The following POLR2M variants were observed in gnomAD, a reference collection of about 807,000 sequenced individuals.
POLR2M encodes RNA polymerase II subunit M.
A neutral mutation model predicts 34.6 loss-of-function variants in POLR2M; 30 were observed. The ratio of observed to expected loss-of-function variants is 0.87; its 90% CI spans 0.65 to 1.18. The LOEUF (loss-of-function observed/expected upper bound fraction) is 1.18. POLR2M is among the 50% of genes most tolerant of loss of function. POLR2M has a pLI of 0.00. For synonymous variants in POLR2M, 150 were observed against 166.7 expected, an observed-to-expected ratio of 0.90 and a Z score of 0.77; for missense variants, 432 against 448.7, an observed-to-expected ratio of 0.96 and a Z score of 0.34.
Position 57,717,402 on chromosome 15 carries a change from C to T in POLR2M, c.*2723C>T, listed in dbSNP as rs1162805404. ...AGCACTCCAAAATCTCTGTGTGTCC[C>T]CTCTTGACACTCACTGTTTCCCCCA... On this transcript the variant is annotated 3_prime_UTR_variant, in exon 4 of 4. Coordinates refer to ENST00000299638, the MANE Select transcript of POLR2M (RefSeq NM_015532.5). 1.3e-5 allele frequency: 2 copies of T among 152,134 alleles called. No homozygotes were observed. The highest frequency in any genetic ancestry group is 2.4e-5 in the African/African-American group (1 of 41,414). The allele number at this position is 152,134 out of a possible 1,614,324, so 9.4% of individuals were successfully genotyped here.
rs1218351205 is a variant in POLR2M at position 57,713,824 on chromosome 15, T to C, written c.964-712T>C. On this transcript the variant is annotated intron_variant, in intron 3 of 3. Transcript: ENST00000299638. ...ATCTAGACAGCATTAGTCCTTCTTT[T>C]TTTTTTTTTTTTTTTTTTTTTTTTT... Among the ~76,000 whole-genome samples, 13 of 7,704 alleles carry C rather than the reference T, an allele frequency of 1.7e-3. 1 individual carries two copies. The highest frequency in any genetic ancestry group is 3.5e-3 in the African/African-American group (13 of 3,686). 5.1% of individuals were successfully genotyped at this position (7,704 alleles called of 152,430 possible). A position where few individuals can be genotyped will look rare whatever the true frequency, so the allele number is the denominator to read the frequency against.
chr15:57,708,351 C>T (rs2040575298), intron 1 of POLR2M, among the ~76,000 whole-genome samples: 1 of 152,154 alleles, frequency 6.6e-6, no homozygotes, highest in Non-Finnish European at 1.5e-5. Context: ...TAGTTTTGAC[C>T]TAATAGGCCC....
chr15:57,717,440 C>G lies in POLR2M; in HGVS notation c.*2761C>G, dbSNP rs1427204847. ...ACTGTTTCCCCCAGAGCTAACTATC[C>G]TGACGTATGGTAATTCTCCCTCTGT... On this transcript the variant is annotated 3_prime_UTR_variant, in exon 4 of 4. Transcript: ENST00000299638. The G allele has an allele frequency of 1.3e-5, 2 of 152,196 alleles. No homozygotes were observed. The highest frequency in any genetic ancestry group is 4.8e-5 in the African/African-American group (2 of 41,440). 9.4% of individuals were successfully genotyped at this position (152,196 alleles called of 1,614,324 possible).
At chr15:57,713,619 C>A (rs1266160889) in intron 3 of POLR2M, among the ~76,000 whole-genome samples, 1 of 152,084 alleles carries the variant, frequency 6.6e-6, no homozygotes, top group Non-Finnish European at 1.5e-5. Flanking sequence ...AGTACATTGC[C>A]AGTGTCTGAA....
Position 57,712,127 on chromosome 15 carries a change from C to T in POLR2M, c.902C>T (p.Thr301Met), listed in dbSNP as rs372198478. The change falls in exon 3 of 4, where the codon ACG (threonine) becomes ATG (methionine). Residue 301 changes from threonine (T) to methionine (M), a missense_variant. Coordinates refer to ENST00000299638, the MANE Select transcript of POLR2M (RefSeq NM_015532.5). ...CTTCTACCACTTCACCATATGCCCA[C>T]GCAGCTGCTCTCCATAGAAGAATCC... ...ARLLPLHHMP[T>M]QLLSIEESLA... 89 of 1,614,064 alleles carry T rather than the reference C, an allele frequency of 5.5e-5. No individual in the cohort carries two copies. Among genetic ancestry groups the T allele is most frequent in the Middle Eastern group, 1.6e-4 (1 of 6,072 alleles).
At chr15:57,708,142 G>A (rs904963239) in intron 1 of POLR2M, among the ~76,000 whole-genome samples, 6 of 152,150 alleles carry the variant, frequency 3.9e-5, no homozygotes, top group Non-Finnish European at 7.4e-5. Flanking sequence ...ATCCCAAAGA[G>A]CTATTTTATG....
At chr15:57,709,624 C>T (rs760731827) in intron 2 of POLR2M, among the ~76,000 whole-genome samples, 6 of 152,092 alleles carry the variant, frequency 3.9e-5, no homozygotes, top group Non-Finnish European at 8.8e-5. Flanking sequence ...CATGTTGTGG[C>T]AACACTGAGA....
chr15:57,708,128 T>G (rs1409297890), intron 1 of POLR2M, among the ~76,000 whole-genome samples: 2 of 152,216 alleles, frequency 1.3e-5, no homozygotes, highest in African/African-American at 4.8e-5. Flanking sequence ...TAAGAATTAT[T>G]GACATCCCAA....
Position 57,712,157 on chromosome 15 carries a change from C to A in POLR2M, c.932C>A (p.Ala311Glu), listed in dbSNP as rs2040751252. ...CTGCTCTCCATAGAAGAATCCTTGG[C>A]ACTTCAGAAACAGCAGAAACAGAAT... ...TQLLSIEESL[A>E]LQKQQKQNYE... Residue 311 changes from alanine to glutamate, a missense_variant, in exon 3 of 4, where the codon GCA (alanine) becomes GAA (glutamate). Transcript: ENST00000299638. 1.9e-6 allele frequency: 3 copies of A among 1,614,054 alleles called. No individual in the cohort carries two copies. Among genetic ancestry groups the A allele is most frequent in the Non-Finnish European group, 2.5e-6 (3 of 1,180,044 alleles).
At chr15:57,707,139 C>T (rs1419593548) in intron 1 of POLR2M, 184 bp downstream of exon 1, 8 of 1,533,824 alleles carry the variant, frequency 5.2e-6, no homozygotes, top group African/African-American at 1.4e-5. Context: ...TCTTCCTGGC[C>T]AGGCACGTAT....
chr15:57,714,286 G>C (rs943423884), intron 3 of POLR2M, among the ~76,000 whole-genome samples: 25 of 152,094 alleles, frequency 1.6e-4, no homozygotes, highest in African/African-American at 5.8e-4. Flanking sequence ...CTTATATAGA[G>C]GAGTGTATTT....
chr15:57,713,586 G>A (rs2040823843), intron 3 of POLR2M, among the ~76,000 whole-genome samples: 1 of 152,092 alleles, frequency 6.6e-6, no homozygotes, highest in African/African-American at 2.4e-5. Flanking sequence ...ATCAGTTGGT[G>A]GTAAAGTCCT....
chr15:57,714,821 T>C lies in POLR2M; in HGVS notation c.*142T>C. On this transcript the variant is annotated 3_prime_UTR_variant, in exon 4 of 4. Transcript: ENST00000299638. Reference sequence around the variant, plus strand: ...AAGGTAGTTATAAAAAAAGCCCAGTTTGTCTTTCAGAAGGTGACTTTCATG... The same window carrying C: ...AAGGTAGTTATAAAAAAAGCCCAGTCTGTCTTTCAGAAGGTGACTTTCATG... 1 of 1,374,004 alleles carries C rather than the reference T, an allele frequency of 7.3e-7. No homozygotes were observed. Among genetic ancestry groups the C allele is most frequent in the Non-Finnish European group, 9.8e-7 (1 of 1,022,244 alleles). 85.1% of individuals were successfully genotyped at this position (1,374,004 alleles called of 1,614,324 possible). A position where few individuals can be genotyped will look rare whatever the true frequency, so the allele number is the denominator to read the frequency against.
In POLR2M at chr15:57,716,859, G is replaced by C. The variant is rs1336154316; in HGVS notation, c.*2180G>C. ...GGAGTCTACCTTTGTGTATGTGCTT[G>C]AAAGTATTTTTGTAATCCAAGAATG... is the stretch of plus-strand genomic sequence containing the variant. On this transcript the variant is annotated 3_prime_UTR_variant, in exon 4 of 4. Transcript: ENST00000299638. 6.6e-6 allele frequency: 1 copy of C among 152,146 alleles called. No individual in the cohort carries two copies. The highest frequency in any genetic ancestry group is 1.5e-5 in the Non-Finnish European group (1 of 68,018). 9.4% of individuals were successfully genotyped at this position (152,146 alleles called of 1,614,324 possible).
In POLR2M at chr15:57,706,729, T is replaced by G; in HGVS notation, c.-114T>G. The G allele has an allele frequency of 8.3e-7, 1 of 1,211,780 alleles. No individual in the cohort carries two copies. Among genetic ancestry groups the G allele is most frequent in the Non-Finnish European group, 1.1e-6 (1 of 875,096 alleles). The allele number at this position is 1,211,780 out of a possible 1,614,324, so 75.1% of individuals were successfully genotyped here. On this transcript the variant is annotated 5_prime_UTR_variant, in exon 1 of 4. It removes an upstream start codon present in the reference 5' UTR. Transcript: ENST00000299638. ...AGAAGACCCCGTTCTTCCGGGAAAA[T>G]GGCGACTCCCGCTCGTGCCCCGGAG... is the stretch of plus-strand genomic sequence containing the variant.
Position 57,708,891 on chromosome 15 carries a change from T to G in POLR2M, c.291T>G (p.Asp97Glu), listed in dbSNP as rs1157288886. 6.2e-7 allele frequency: 1 copy of G among 1,614,060 alleles called. No individual in the cohort carries two copies. The highest frequency in any genetic ancestry group is 1.3e-5 in the African/African-American group (1 of 75,032). ...KAIAEVDVGT[D>E]KAQNSDPILD... Reference sequence around the variant, plus strand: ...TTGCAGAAGTTGATGTGGGTACAGATAAGGCCCAGAATTCTGACCCGATAC... The same window carrying G: ...TTGCAGAAGTTGATGTGGGTACAGAGAAGGCCCAGAATTCTGACCCGATAC... Residue 97 changes from aspartate (D) to glutamate (E), a missense_variant, in exon 2 of 4, where the codon GAT becomes GAG. By Grantham distance (45) the Asp-to-Glu change is conservative. Coordinates refer to ENST00000299638, the MANE Select transcript of POLR2M (RefSeq NM_015532.5).
intron 1 of POLR2M, chr15:57,707,471 C>T (rs1212263010): frequency 1.3e-5 from 7 of 544,340 alleles, no homozygotes; most frequent in Middle Eastern, 2.8e-4. Context: ...TTTTAGGCAG[C>T]TTTGTTCAGC....
At chr15:57,708,565 TTTATTC>T (rs1314697942) in intron 1 of POLR2M, 143 bp from the exon 2 acceptor site, 2 of 745,526 alleles carry the variant, frequency 2.7e-6, no homozygotes, top group Admixed American at 3.4e-5. Context: ...TTTTAATTGT[TTTATTC>T]TTGTTTTGGG....
At position 57,716,228 on chromosome 15, in the gene POLR2M, C is replaced by G. The variant is rs1469917932; in HGVS notation, c.*1549C>G. ...TGCTCTATATATTGTCAATATGTTCCCATATTAAATATTTTGCTTTTTAGA... is the reference window on the plus strand; with the variant it reads ...TGCTCTATATATTGTCAATATGTTCGCATATTAAATATTTTGCTTTTTAGA... On this transcript the variant is annotated 3_prime_UTR_variant, in exon 4 of 4. Transcript: ENST00000299638. The G allele has an allele frequency of 5.9e-5, 9 of 152,172 alleles. No individual in the cohort carries two copies. Among genetic ancestry groups the G allele is most frequent in the African/African-American group, 1.7e-4 (7 of 41,426 alleles). The allele number at this position is 152,172 out of a possible 1,614,324, so 9.4% of individuals were successfully genotyped here.
Sources: gnomAD v4.1 joint callset for allele counts (sites outside exome capture counted in the v4.1 genomes callset) on GRCh38, gnomAD v4.1.1 for gene constraint, MANE v1.5 for transcripts, NCBI Gene and HGNC (gene_info 2026-07-23, HGNC 2026-07-21) for gene names.